SPATA1: variants seen among roughly 807,000 people sequenced by gnomAD.
The protein encoded by SPATA1 is spermatogenesis-associated protein 1.
SPATA1 carries 57 observed loss-of-function variants against 59.6 expected under a neutral mutation model. That is an observed-to-expected ratio of 0.96 (90% CI 0.77 to 1.19). The LOEUF (loss-of-function observed/expected upper bound fraction) is 1.19. SPATA1 is among the 50% of genes most tolerant of loss of function. The probability of loss-of-function intolerance (pLI) is 0.00; values close to 1 mark genes in which losing one functional copy is unlikely to be tolerated. For missense variants in SPATA1, 448 were observed against 480.7 expected, an observed-to-expected ratio of 0.93 and a Z score of 0.64; for synonymous variants, 147 against 163.9, an observed-to-expected ratio of 0.90 and a Z score of 0.79.
chr1:84,526,867 CAAAAAA>C (rs761804155), intron 6 of SPATA1, among the ~76,000 whole-genome samples: 1 of 60,586 alleles, frequency 1.7e-5, no homozygotes, highest in African/African-American at 4.8e-5. Flanking sequence ...GACTTTGTCT[CAAAAAA>C]AAAAAAAAAA....
chr1:84,552,746 A>G (rs914141403), intron 12 of SPATA1: 10 of 217,620 alleles, frequency 4.6e-5, no homozygotes, highest in African/African-American at 1.4e-4. Context: ...TAAGCAAAAC[A>G]TAAAATTCTT....
chr1:84,523,102 A>G lies in SPATA1; in HGVS notation c.261+595A>G, dbSNP rs980328084. ...GTATTTTTAGTAGAGACAGAGTTTC[A>G]CCATGTTGGCCAGACTGGTCTCAAA... On this transcript the variant is annotated intron_variant, in intron 4 of 12. Coordinates refer to ENST00000490879, the Ensembl canonical transcript of SPATA1. 2.0e-5 allele frequency among the ~76,000 whole-genome samples: 3 copies of G among 152,112 alleles called. No individual in the cohort carries two copies. The East Asian group carries it at 5.8e-4, about 29-fold the overall frequency.
At chr1:84,511,804 C>T (rs906640399) in intron 1 of SPATA1, among the ~76,000 whole-genome samples, 1 of 151,596 alleles carries the variant, frequency 6.6e-6, no homozygotes, top group East Asian at 1.9e-4. Context: ...GCCTCAGCCT[C>T]CCCAGTAGCT....
At chr1:84,533,035 A>G in intron 7 of SPATA1, 61 bp downstream of exon 7, 2 of 1,154,964 alleles carry the variant, frequency 1.7e-6, no homozygotes, top group Non-Finnish European at 2.5e-6. Flanking sequence ...AAAGAGTAAG[A>G]TATTCAGAGT....
exon 4 of SPATA1, chr1:84,522,498 T>C: frequency 1.3e-6 from 2 of 1,514,004 alleles, no homozygotes; most frequent in Non-Finnish European, 8.9e-7. Context: ...TTGGAAATAA[T>C]TTAGCTGTGG....
rs1185047691 is a variant in SPATA1, at chr1:84,532,998, C to T, written c.659+24C>T. 4 of 1,435,350 alleles carry T rather than the reference C, an allele frequency of 2.8e-6. No homozygotes were observed. The African/African-American group carries it at 4.3e-5, about 15-fold the overall frequency. 88.9% of individuals were successfully genotyped at this position (1,435,350 alleles called of 1,614,324 possible). On this transcript the variant is annotated intron_variant, in intron 7 of 12. Transcript: ENST00000490879. ...AGGTAATTAGTATAGATGCTGATTC[C>T]ACATGCCATAATCTAAACAATAAGA...
intron 4 of SPATA1, among the ~76,000 whole-genome samples, chr1:84,561,114 G>A (rs1248166557): frequency 6.6e-6 from 1 of 152,184 alleles, no homozygotes; most frequent in Non-Finnish European, 1.5e-5. Flanking sequence ...TCTGGCCAAA[G>A]TAAACTGAAA....
chr1:84,549,084 AT>A, intron 11 of SPATA1, 120 bp downstream of exon 11: 1 of 996,350 alleles, frequency 1.0e-6, no homozygotes, highest in Non-Finnish European at 1.4e-6. Context: ...GCTTAAAACA[AT>A]AAAAAAACTC....
intron 1 of SPATA1, among the ~76,000 whole-genome samples, chr1:84,514,498 A>G (rs1048371006): frequency 6.6e-6 from 1 of 152,192 alleles, no homozygotes; most frequent in African/African-American, 2.4e-5. Context: ...TGCTCCAATG[A>G]GCATTTCTTT....
At chr1:84,554,331 G>A (rs1159638675) in exon 13 of SPATA1, 1 of 151,988 alleles carries the variant, frequency 6.6e-6, no homozygotes, top group East Asian at 1.9e-4. Flanking sequence ...GAAAATATTA[G>A]GTAGTTCTAA....
In SPATA1 at chr1:84,521,096, G is replaced by A. The variant is rs544135278; in HGVS notation, c.143+405G>A. ...ACTGCACTCTAGTCTGGGCAACAGAGTGAGACTCTGCCAAAAACAAAAAAG... is the reference window on the plus strand; with the variant it reads ...ACTGCACTCTAGTCTGGGCAACAGAATGAGACTCTGCCAAAAACAAAAAAG... On this transcript the variant is annotated intron_variant, in intron 3 of 12. Transcript: ENST00000490879. 2.0e-5 allele frequency among the ~76,000 whole-genome samples: 3 copies of A among 150,334 alleles called. No homozygotes were observed. The East Asian group carries it at 6.0e-4, about 30-fold the overall frequency.
chr1:84,548,234 A>C (rs1684153436), intron 10 of SPATA1, among the ~76,000 whole-genome samples: 1 of 152,014 alleles, frequency 6.6e-6, no homozygotes. Context: ...AACTAAACAA[A>C]TTCTGGTATA....
intron 12 of SPATA1, chr1:84,551,792 T>C (rs1000289753): frequency 6.6e-6 from 1 of 152,182 alleles, no homozygotes; most frequent in East Asian, 1.9e-4. Context: ...CTATTCAATA[T>C]ATGGAGATAA....
chr1:84,511,369 T>C (rs1207371685), intron 1 of SPATA1, among the ~76,000 whole-genome samples: 8 of 152,214 alleles, frequency 5.3e-5, no homozygotes. Context: ...ATTCTGTTAC[T>C]CTCTGGGAGA....
intron 8 of SPATA1, among the ~76,000 whole-genome samples, chr1:84,534,234 A>G (rs1683587397): frequency 6.6e-6 from 1 of 152,076 alleles, no homozygotes; most frequent in Admixed American, 6.5e-5. Context: ...GTTAATGAAC[A>G]CTATTCACAT....
At chr1:84,516,478 GAT>G in intron 2 of SPATA1, 83 bp downstream of exon 2, 1 of 806,228 alleles carries the variant, frequency 1.2e-6, no homozygotes, top group Non-Finnish European at 1.9e-6. Flanking sequence ...CAAAAACATA[GAT>G]TATATAAAGT....
intron 4 of SPATA1, chr1:84,563,514 T>C: frequency 2.1e-6 from 2 of 941,124 alleles, no homozygotes; most frequent in Non-Finnish European, 2.9e-6. Context: ...ATAAAACATA[T>C]ACCATAGAAA....
intron 6 of SPATA1, among the ~76,000 whole-genome samples, chr1:84,528,579 C>A (rs1146373): frequency 2.0e-5 from 3 of 151,934 alleles, no homozygotes; most frequent in South Asian, 2.1e-4. Flanking sequence ...TTTATACTCA[C>A]ACAATTTATT....
chr1:84,531,570 CTTTTT>C (rs11344822), intron 6 of SPATA1, among the ~76,000 whole-genome samples: 3 of 105,236 alleles, frequency 2.9e-5, no homozygotes, highest in African/African-American at 3.7e-5. Context: ...TTTGGCAAGT[CTTTTT>C]TTTTTTTTTT....
Sources: allele counts gnomAD v4.1 joint callset (sites outside exome capture counted in the v4.1 genomes callset), GRCh38; gene constraint gnomAD v4.1.1; transcripts MANE v1.5; gene names NCBI Gene and HGNC (gene_info 2026-07-23, HGNC 2026-07-21).